STON1: variants seen among roughly 807,000 people sequenced by gnomAD.
STON1 encodes the protein stonin 1, also known as stonin-1.
A neutral mutation model predicts 60.9 loss-of-function variants in STON1; 79 were observed. The ratio of observed to expected loss-of-function variants is 1.30; its 90% CI spans 1.08 to 1.56. The LOEUF (loss-of-function observed/expected upper bound fraction) is 1.56. Ranked by LOEUF, STON1 falls within the 40% of genes most tolerant of loss-of-function variation. The probability of loss-of-function intolerance (pLI) is 0.00; values close to 1 mark genes in which losing one functional copy is unlikely to be tolerated. For synonymous variants in STON1, 363 were observed against 306.9 expected (o/e 1.18, Z -1.91); for missense variants, 1,166 against 858.9 (o/e 1.36, Z -4.47).
At chr2:48,541,720 A>C (rs1297675066) in intron 1 of STON1, among the ~76,000 whole-genome samples, 1 of 150,748 alleles carries the variant, frequency 6.6e-6, no homozygotes, top group Non-Finnish European at 1.5e-5. Context: ...AAAAAAAAAA[A>C]AAACCACACA....
rs1672267304 is a variant in STON1, at chr2:48,555,100, A to G, written c.-48+24884A>G. On this transcript the variant is annotated intron_variant, in intron 1 of 3. Coordinates refer to ENST00000404752, the MANE Select transcript of STON1 (RefSeq NM_006873.4). Reference sequence around the variant, plus strand: ...GAGGAATTTTTCTTAGTGCAGAACAAAATGAAAAGTCTCCCATGTCTACTT... The same window carrying G: ...GAGGAATTTTTCTTAGTGCAGAACAGAATGAAAAGTCTCCCATGTCTACTT... Among the ~76,000 whole-genome samples the G allele has an allele frequency of 6.0e-5, 4 of 66,750 alleles. 1 individual carries two copies. In the South Asian group the frequency reaches 2.4e-3, roughly 40 times the overall value. The allele number at this position is 66,750 out of a possible 152,430, so 43.8% of individuals were successfully genotyped here.
Position 48,581,217 on chromosome 2 carries a change from A to G in STON1, c.584A>G (p.His195Arg), listed in dbSNP as rs777488548. 113 of 1,521,418 alleles carry G rather than the reference A, an allele frequency of 7.4e-5. No individual in the cohort carries two copies. The Admixed American group carries it at 2.5e-3, about 34-fold the overall frequency. The allele number at this position is 1,521,418 out of a possible 1,614,324, so 94.2% of individuals were successfully genotyped here. Residue 195 changes from histidine (H) to arginine (R), a missense_variant, in exon 2 of 4, where the codon CAT (histidine) becomes CGT (arginine). Physicochemically the swap from His to Arg is conservative, Grantham distance 29. Coordinates refer to ENST00000404752, the MANE Select transcript of STON1 (RefSeq NM_006873.4). ...PFWKDEGSDS[H>R]FTLDPPGSKK... ...TGGAAAGATGAAGGCAGTGATTCCC[A>G]TTTCACCCTTGACCCACCAGGAAGC...
intron 1 of STON1, among the ~76,000 whole-genome samples, chr2:48,577,031 G>A (rs1343508310): frequency 6.7e-6 from 1 of 150,174 alleles, no homozygotes; most frequent in Non-Finnish European, 1.5e-5. Flanking sequence ...TCCAGCCTGG[G>A]CGACTGAGCG....
At chr2:48,595,182 G>A (rs765817032) in intron 3 of STON1, 46 bp from the exon 4 acceptor site, 2 of 1,444,098 alleles carry the variant, frequency 1.4e-6, no homozygotes, top group South Asian at 1.2e-5. Flanking sequence ...TGTGAGTGCT[G>A]TGTTGCATTT....
Position 48,581,852 on chromosome 2 carries a change from A to G in STON1, c.1219A>G (p.Lys407Glu), listed in dbSNP as rs754364874. 9 of 1,614,200 alleles carry G rather than the reference A, an allele frequency of 5.6e-6. No homozygotes were observed. Among genetic ancestry groups the G allele is most frequent in the East Asian group, 4.5e-5 (2 of 44,880 alleles). Residue 407 changes from lysine (K) to glutamate (E), a missense_variant, in exon 2 of 4, where the codon AAA becomes GAA. Transcript: ENST00000404752. ...GAAGTTGCCAGCTGTTTCAAAACCA[A>G]AAAAGAACTACGAGGAGCAAGAAAT... is the stretch of plus-strand genomic sequence containing the variant. ...LMKLPAVSKP[K>E]KNYEEQEISL...
intron 1 of STON1, among the ~76,000 whole-genome samples, chr2:48,536,443 G>A (rs933423556): frequency 1.3e-5 from 2 of 151,458 alleles, no homozygotes; most frequent in Non-Finnish European, 2.9e-5. Flanking sequence ...AGCTACTCGG[G>A]AGGTTGATGC....
At chr2:48,578,602 T>TTTTTTTTTTTTTTTTTTTTTTTTTTTC in intron 1 of STON1, among the ~76,000 whole-genome samples, 1 of 141,880 alleles carries the variant, frequency 7.0e-6, no homozygotes, top group Non-Finnish European at 1.5e-5. Context: ...TTTTTTTTTT[T>TTTTTTTTTTTTTTTTTTTTTTTTTTTC]TTTTGATATA....
intron 1 of STON1, among the ~76,000 whole-genome samples, chr2:48,543,097 C>G (rs890308958): frequency 6.6e-6 from 1 of 151,382 alleles, no homozygotes; most frequent in Non-Finnish European, 1.5e-5. Flanking sequence ...GCTTCAGCCT[C>G]CTGAGTAGCT....
intron 1 of STON1, among the ~76,000 whole-genome samples, chr2:48,546,335 C>A (rs1392068730): frequency 6.6e-6 from 1 of 152,256 alleles, no homozygotes; most frequent in Non-Finnish European, 1.5e-5. Flanking sequence ...TTGGCTGTCT[C>A]CCTGCAGTCA....
At chr2:48,544,989 G>A (rs956331122) in intron 1 of STON1, among the ~76,000 whole-genome samples, 1 of 152,130 alleles carries the variant, frequency 6.6e-6, no homozygotes, top group Non-Finnish European at 1.5e-5. Flanking sequence ...TTTGTGGCTT[G>A]AGGCAGAGCC....
At chr2:48,532,113 C>T (rs532302789) in intron 1 of STON1, among the ~76,000 whole-genome samples, 17 of 152,008 alleles carry the variant, frequency 1.1e-4, no homozygotes, top group Admixed American at 8.5e-4. Context: ...TTTGGGAGGC[C>T]GGGGCGGGCA....
chr2:48,547,172 G>C (rs546464336), intron 1 of STON1, among the ~76,000 whole-genome samples: 43 of 152,330 alleles, frequency 2.8e-4, no homozygotes, highest in Non-Finnish European at 4.9e-4. Context: ...AAATGAATCA[G>C]TTGATCTCTC....
chr2:48,548,769 G>A (rs1380698100), intron 1 of STON1, among the ~76,000 whole-genome samples: 1 of 152,080 alleles, frequency 6.6e-6, no homozygotes, highest in Non-Finnish European at 1.5e-5. Context: ...CAAAGTGCTG[G>A]GATTACAGGC....
chr2:48,550,680 T>C (rs1465886013), intron 1 of STON1, among the ~76,000 whole-genome samples: 1 of 151,596 alleles, frequency 6.6e-6, no homozygotes, highest in East Asian at 1.9e-4. Context: ...AAACTGAGGC[T>C]CAAGGATGAT....
chr2:48,575,219 T>A (rs1673414556), intron 1 of STON1, among the ~76,000 whole-genome samples: 1 of 152,236 alleles, frequency 6.6e-6, no homozygotes, highest in Non-Finnish European at 1.5e-5. Context: ...CTGAATAATA[T>A]TCTATTGTAT....
chr2:48,568,800 A>G (rs908776826), intron 1 of STON1, among the ~76,000 whole-genome samples: 1 of 152,206 alleles, frequency 6.6e-6, no homozygotes, highest in Non-Finnish European at 1.5e-5. Flanking sequence ...CCACAGCCTG[A>G]TGTCCAAGGG....
rs1674832315 is a variant in STON1, at chr2:48,597,502, G to A, written c.*2200G>A. ...CACCTCAAAATATATTCAGCAAAGG[G>A]TTCACTTAGTTGCCCCTCATGCTTC... On this transcript the variant is annotated 3_prime_UTR_variant, in exon 4 of 4. Transcript: ENST00000404752. 1 of 152,186 alleles carries A rather than the reference G, an allele frequency of 6.6e-6. No homozygotes were observed. The highest frequency in any genetic ancestry group is 2.4e-5 in the African/African-American group (1 of 41,442). The allele number at this position is 152,186 out of a possible 1,614,324, so 9.4% of individuals were successfully genotyped here. A position where few individuals can be genotyped will look rare whatever the true frequency, so the allele number is the denominator to read the frequency against.
At chr2:48,559,604 T>C (rs12999304) in intron 1 of STON1, among the ~76,000 whole-genome samples, 49,893 of 152,074 alleles carry the variant, frequency 0.33, 8,314 homozygotes, top group East Asian at 0.4. Flanking sequence ...ACTAATGTTA[T>C]CCTTGTTTCA....
At chr2:48,594,931 A>C (rs1385643996) in intron 3 of STON1, among the ~76,000 whole-genome samples, 1 of 151,992 alleles carries the variant, frequency 6.6e-6, no homozygotes, top group Non-Finnish European at 1.5e-5. Context: ...AGATCTGTAA[A>C]TTTTTTTTCA....
Sources: gnomAD v4.1 joint callset for allele counts (sites outside exome capture counted in the v4.1 genomes callset) on GRCh38, gnomAD v4.1.1 for gene constraint, MANE v1.5 for transcripts, NCBI Gene and HGNC (gene_info 2026-07-23, HGNC 2026-07-21) for gene names.